Variants in RIMBP2 observed in about 807,000 individuals in gnomAD.
The protein encoded by RIMBP2 is RIMS-binding protein 2.
In RIMBP2, 48 loss-of-function variants were observed where a neutral mutation model predicts 118.6. That is an observed-to-expected ratio of 0.40 (90% CI 0.32 to 0.51). The LOEUF (loss-of-function observed/expected upper bound fraction) is 0.51. RIMBP2 is among the 20% of genes least tolerant of loss of function. RIMBP2 has a pLI of 0.41. For missense variants in RIMBP2, 1,551 were observed against 1,768.3 expected (o/e 0.88, Z 2.20); for synonymous variants, 762 against 742.9 (o/e 1.03, Z -0.42).
At chr12:130,415,762 TTA>T (rs1310203428) in intron 17 of RIMBP2, among the ~76,000 whole-genome samples, 5 of 152,154 alleles carry the variant, frequency 3.3e-5, no homozygotes, top group African/African-American at 1.2e-4. Context: ...AGAAGTCAAA[TTA>T]TCTCTCTTCA....
At chr12:130,609,079 T>C (rs983204900) in intron 2 of RIMBP2, among the ~76,000 whole-genome samples, 7 of 152,150 alleles carry the variant, frequency 4.6e-5, no homozygotes, top group African/African-American at 1.7e-4. Context: ...TCCAGGTTCA[T>C]CCATGTTGTC....
chr12:130,636,970 C>T (rs1002989943), intron 1 of RIMBP2, among the ~76,000 whole-genome samples: 1 of 152,158 alleles, frequency 6.6e-6, no homozygotes, highest in Admixed American at 6.5e-5. Flanking sequence ...TGTCTTGTCG[C>T]CTTGTTCTGG....
At chr12:130,597,161 CAT>C (rs1251190266) in intron 2 of RIMBP2, among the ~76,000 whole-genome samples, 1 of 152,100 alleles carries the variant, frequency 6.6e-6, no homozygotes, top group East Asian at 1.9e-4. Context: ...CACTATGACT[CAT>C]AAACAAAAAA....
Position 130,675,221 on chromosome 12 carries a change from C to T in RIMBP2, c.-352+41001G>A, listed in dbSNP as rs376066024. 5.3e-5 allele frequency among the ~76,000 whole-genome samples: 8 copies of T among 152,318 alleles called. No homozygotes were observed. The East Asian group carries it at 7.7e-4, about 15-fold the overall frequency. ...GAGCCGCGGCCTCTGCTGAGACAGG[C>T]GGGTTTGTCCGCAGGCCTTCGGGAA... On this transcript the variant is annotated intron_variant, in intron 1 of 22. Coordinates refer to ENST00000690449, the MANE Select transcript of RIMBP2 (RefSeq NM_001393629.1).
At chr12:130,416,614 A>T (rs2076115176) in intron 17 of RIMBP2, among the ~76,000 whole-genome samples, 1 of 152,240 alleles carries the variant, frequency 6.6e-6, no homozygotes, top group Non-Finnish European at 1.5e-5. Context: ...CTCAAATTAC[A>T]CAAATACTGC....
intron 6 of RIMBP2, among the ~76,000 whole-genome samples, chr12:130,463,715 G>A (rs143811764): frequency 0.012 from 1,816 of 151,918 alleles, 35 homozygotes; most frequent in African/African-American, 0.041. Flanking sequence ...AAACCACAGC[G>A]ACTCCATCTT....
In RIMBP2 at chr12:130,479,009, C is replaced by T. The variant is rs1238960481; in HGVS notation, c.5G>A (p.Arg2Gln). 11 of 1,613,396 alleles carry T rather than the reference C, an allele frequency of 6.8e-6. No homozygotes were observed. Among genetic ancestry groups the T allele is most frequent in the South Asian group, 1.1e-5 (1 of 90,972 alleles). Residue 2 changes from arginine to glutamine, a missense_variant, in exon 5 of 23, where the codon CGA becomes CAA. Physicochemically the swap from Arg to Gln is conservative, Grantham distance 43. Around this residue, in one of 5 missense-constraint regions of RIMBP2, gnomAD observed 239 missense variants for 256.8 expected, o/e 0.93. Coordinates refer to ENST00000690449, the MANE Select transcript of RIMBP2 (RefSeq NM_001393629.1). MREAAERRQQLQ... is the reference protein window; with the variant it reads MQEAAERRQQLQ... ...CTGCTGCCGCCGTTCAGCCGCCTCT[C>T]GCATATGCTGTGGGGACAGAGAGAG...
chr12:130,456,243 G>A lies in RIMBP2; in HGVS notation c.358+253C>T, dbSNP rs558098607. Among the ~76,000 whole-genome samples the A allele has an allele frequency of 1.4e-4, 22 of 152,216 alleles. No homozygotes were observed. In the East Asian group the frequency reaches 1.7e-3, roughly 12 times the overall value. On this transcript the variant is annotated intron_variant, in intron 7 of 22. Coordinates refer to ENST00000690449, the MANE Select transcript of RIMBP2 (RefSeq NM_001393629.1). ...CCACACTAGTGCTTTGGTTTTTCTC[G>A]CCTGTAAAATGGGCCCATTTTACAG...
Position 130,407,314 on chromosome 12 carries a change from C to G in RIMBP2, c.3693+412G>C, listed in dbSNP as rs542457076. Among the ~76,000 whole-genome samples, 5 of 152,326 alleles carry G rather than the reference C, an allele frequency of 3.3e-5. No homozygotes were observed. The East Asian group carries it at 7.7e-4, about 24-fold the overall frequency. ...GCATCCCAAGCTGTGCCAGGCGACA[C>G]AACCTCACCTATCACTGGTTTCCTC... On this transcript the variant is annotated intron_variant, in intron 20 of 22. Transcript: ENST00000690449.
intron 4 of RIMBP2, among the ~76,000 whole-genome samples, chr12:130,484,495 C>T (rs1056980329): frequency 4.0e-4 from 61 of 152,240 alleles, no homozygotes; most frequent in African/African-American, 1.4e-3. Context: ...CATCCTCATC[C>T]CCAGTGCACT....
chr12:130,598,589 G>A (rs917713838), intron 2 of RIMBP2, among the ~76,000 whole-genome samples: 15 of 152,150 alleles, frequency 9.9e-5, no homozygotes, highest in South Asian at 4.2e-4. Context: ...TTAGCTGGGC[G>A]TGGTGGCAGG....
intron 5 of RIMBP2, among the ~76,000 whole-genome samples, chr12:130,476,273 G>A (rs962026679): frequency 6.6e-6 from 1 of 152,204 alleles, no homozygotes; most frequent in Non-Finnish European, 1.5e-5. Flanking sequence ...GTCCCGTGAC[G>A]GCAAGTTCAA....
At chr12:130,531,531 T>A (rs2053373864) in intron 2 of RIMBP2, among the ~76,000 whole-genome samples, 1 of 152,262 alleles carries the variant, frequency 6.6e-6, no homozygotes, top group African/African-American at 2.4e-5. Flanking sequence ...TATCCTCTTG[T>A]ATAAATAATC....
rs570358060 is a variant in RIMBP2 at position 130,484,225 on chromosome 12, T to G, written c.-3-5209A>C. Among the ~76,000 whole-genome samples the G allele has an allele frequency of 2.0e-5, 3 of 152,288 alleles. No individual in the cohort carries two copies. In the South Asian group the frequency reaches 6.2e-4, roughly 32 times the overall value. ...AGCGGCATGCTGTCACAGGGCCACC[T>G]GACTGCCTCTTGCCTCCTGATGCCG... On this transcript the variant is annotated intron_variant, in intron 4 of 22. Transcript: ENST00000690449.
chr12:130,646,443 C>CCACCTCCCTCAT lies in RIMBP2; in HGVS notation c.-351-17988_-351-17987insATGAGGGAGGTG, dbSNP rs1555317669. Among the ~76,000 whole-genome samples the CCACCTCCCTCAT allele has an allele frequency of 2.4e-5, 2 of 84,540 alleles. 1 individual carries two copies. Among genetic ancestry groups the CCACCTCCCTCAT allele is most frequent in the African/African-American group, 6.9e-5 (2 of 28,916 alleles). 55.5% of individuals were successfully genotyped at this position (84,540 alleles called of 152,430 possible). On this transcript the variant is annotated intron_variant, in intron 1 of 22. Transcript: ENST00000690449. ...ACCACTTCCCTCTCCACCTCCCTTG[C>CCACCTCCCTCAT]CACCTCCCTCGCCACCTCCCTCGCT... is the stretch of plus-strand genomic sequence containing the variant.
intron 1 of RIMBP2, among the ~76,000 whole-genome samples, chr12:130,664,389 G>GCACACA (rs559660899): frequency 8.5e-5 from 7 of 82,542 alleles, no homozygotes; most frequent in East Asian, 3.2e-4. Context: ...GCACGCGCAT[G>GCACACA]CACACACACG....
intron 18 of RIMBP2, among the ~76,000 whole-genome samples, chr12:130,413,382 C>A (rs191692821): frequency 3.3e-5 from 5 of 152,258 alleles, no homozygotes; most frequent in East Asian, 1.9e-4. Flanking sequence ...GTAATCCCAG[C>A]ACTTTGGGAG....
intron 1 of RIMBP2, among the ~76,000 whole-genome samples, chr12:130,713,953 C>T (rs1454021298): frequency 6.6e-6 from 1 of 152,216 alleles, no homozygotes; most frequent in Non-Finnish European, 1.5e-5. Flanking sequence ...CCCTGGATGC[C>T]TCCACCTCCC....
At chr12:130,489,926 C>G (rs2048464966) in intron 4 of RIMBP2, among the ~76,000 whole-genome samples, 1 of 152,062 alleles carries the variant, frequency 6.6e-6, no homozygotes, top group Non-Finnish European at 1.5e-5. Context: ...GAGATCGAGA[C>G]CATCCTGGCC....
Sources: allele counts gnomAD v4.1 joint callset (sites outside exome capture counted in the v4.1 genomes callset), GRCh38; gene constraint gnomAD v4.1.1; regional missense constraint gnomAD v4.1.1; transcripts MANE v1.5; gene names NCBI Gene and HGNC (gene_info 2026-07-23, HGNC 2026-07-21).